The following ANK3 variants were observed in gnomAD, a reference collection of about 807,000 sequenced individuals.
The protein encoded by ANK3 is ankyrin 3.
In ANK3, 57 loss-of-function variants were observed where a neutral mutation model predicts 370.9. That is an observed-to-expected ratio of 0.15 (90% CI 0.12 to 0.19). The LOEUF is 0.19. ANK3 is among the 10% of genes least tolerant of loss of function. The pLI is 1.00. For synonymous variants in ANK3, 1,929 were observed against 1,946.3 expected (o/e 0.99, Z 0.23); for missense variants, 4,439 against 5,302.1 (o/e 0.84, Z 5.06).
At chr10:60,681,685 G>A (rs971120404) in intron 1 of ANK3, among the ~76,000 whole-genome samples, 3 of 152,174 alleles carry the variant, frequency 2.0e-5, no homozygotes, top group Non-Finnish European at 1.5e-5. Context: ...ATTCCACAAA[G>A]ACAGAGACAA....
rs74155648 is a variant in ANK3, at chr10:60,663,071, G to A, written c.58-47847C>T. Among the ~76,000 whole-genome samples, 10 of 152,140 alleles carry A rather than the reference G, an allele frequency of 6.6e-5. No homozygotes were observed. The East Asian group carries it at 7.8e-4, about 12-fold the overall frequency. ...CAAGTCTTTTCTCCTCCATGAACTC[G>A]CCTCACAAAATCAGTCCCCCAAAAT... On this transcript the variant is annotated intron_variant, in intron 1 of 43. Coordinates refer to the ANK3 transcript ENST00000373827.
At chr10:60,410,246 T>C (rs1333582850) in intron 2 of ANK3, among the ~76,000 whole-genome samples, 1 of 151,596 alleles carries the variant, frequency 6.6e-6, no homozygotes, top group Non-Finnish European at 1.5e-5. Context: ...CTGGGCAACA[T>C]AGTGGGACCC....
At chr10:60,718,110 G>A (rs993187923) in intron 1 of ANK3, among the ~76,000 whole-genome samples, 3 of 152,214 alleles carry the variant, frequency 2.0e-5, no homozygotes, top group Admixed American at 1.3e-4. Context: ...GTGATTATCT[G>A]AGACTTAGCT....
intron 2 of ANK3, among the ~76,000 whole-genome samples, chr10:60,602,161 C>A (rs2078073293): frequency 6.6e-6 from 1 of 152,080 alleles, no homozygotes. Flanking sequence ...TCACAAAAAT[C>A]CATAAAATCA....
At chr10:60,403,529 A>G (rs2063393556) in intron 2 of ANK3, among the ~76,000 whole-genome samples, 2 of 152,228 alleles carry the variant, frequency 1.3e-5, no homozygotes, top group South Asian at 4.1e-4. Flanking sequence ...TAATGGTGAA[A>G]TATTGAATGC....
At chr10:60,264,113 T>G in intron 5 of ANK3, 93 bp from the exon 6 acceptor site, 6 of 1,094,994 alleles carry the variant, frequency 5.5e-6, no homozygotes, top group Non-Finnish European at 7.7e-6. Flanking sequence ...TGACCAAGCA[T>G]CAATTTTTGT....
At chr10:60,090,854 G>GCAT (rs2088142983) in intron 28 of ANK3, among the ~76,000 whole-genome samples, 1 of 152,106 alleles carries the variant, frequency 6.6e-6, no homozygotes, top group South Asian at 2.1e-4. Context: ...GTGTAACTGG[G>GCAT]CATCATCTAT....
Position 60,060,315 on chromosome 10 carries a change from G to GGTC in ANK3, c.12596-886_12596-885insGAC, listed in dbSNP as rs2080141652. ...AAATATATAAAGTTTATATATTTAAGTTTATATAAAGACCAATATAAAGTT... is the reference window on the plus strand; with the variant it reads ...AAATATATAAAGTTTATATATTTAAGGTCTTTATATAAAGACCAATATAAAGTT... On this transcript the variant is annotated intron_variant, in intron 40 of 43. Coordinates refer to ENST00000280772, the MANE Select transcript of ANK3 (RefSeq NM_020987.5). 4 of 180,190 alleles carry GGTC rather than the reference G, an allele frequency of 2.2e-5. No individual in the cohort carries two copies. The South Asian group carries it at 7.1e-4, about 32-fold the overall frequency. The allele number at this position is 180,190 out of a possible 1,614,324, so 11.2% of individuals were successfully genotyped here.
chr10:60,448,656 C>T (rs893128317), intron 2 of ANK3, among the ~76,000 whole-genome samples: 2 of 152,208 alleles, frequency 1.3e-5, no homozygotes, highest in African/African-American at 4.8e-5. Flanking sequence ...GAGCGACTCC[C>T]CAGTCAACTC....
At chr10:60,694,442 T>C (rs2079410904) in intron 1 of ANK3, among the ~76,000 whole-genome samples, 1 of 151,924 alleles carries the variant, frequency 6.6e-6, no homozygotes, top group African/African-American at 2.4e-5. Context: ...AGACAAATAA[T>C]TGTCAGATTC....
intron 2 of ANK3, among the ~76,000 whole-genome samples, chr10:60,604,214 A>G (rs1416670995): frequency 6.6e-6 from 1 of 152,216 alleles, no homozygotes. Flanking sequence ...GAAAGAATGC[A>G]AAGCTACATG....
At chr10:60,190,574 G>A (rs921978403) in intron 16 of ANK3, among the ~76,000 whole-genome samples, 1 of 152,170 alleles carries the variant, frequency 6.6e-6, no homozygotes, top group African/African-American at 2.4e-5. Flanking sequence ...TGGTTTGGTG[G>A]AACTTCTGGG....
At chr10:60,142,041 GA>G (rs1565278434) in intron 23 of ANK3, among the ~76,000 whole-genome samples, 2 of 152,218 alleles carry the variant, frequency 1.3e-5, no homozygotes, top group Admixed American at 6.5e-5. Flanking sequence ...TCTGTATTTC[GA>G]ATCGAAACTA....
chr10:60,531,596 T>C (rs964331462), intron 2 of ANK3, among the ~76,000 whole-genome samples: 4 of 152,012 alleles, frequency 2.6e-5, no homozygotes, highest in Admixed American at 6.6e-5. Context: ...TTCATATAAC[T>C]TTAATATTCA....
intron 2 of ANK3, among the ~76,000 whole-genome samples, chr10:60,572,043 T>G (rs1335957573): frequency 6.6e-6 from 1 of 152,216 alleles, no homozygotes; most frequent in African/African-American, 2.4e-5. Context: ...TAGGTTTCTC[T>G]AAGTTTCCCT....
intron 1 of ANK3, among the ~76,000 whole-genome samples, chr10:60,321,544 C>T (rs2048673875): frequency 6.6e-6 from 1 of 152,176 alleles, no homozygotes; most frequent in Non-Finnish European, 1.5e-5. Context: ...TAACTCAGGG[C>T]TTACTCTCGC....
In ANK3 at chr10:60,703,926, C is replaced by T. The variant is rs74155702; in HGVS notation, c.57+29337G>A. Among the ~76,000 whole-genome samples the T allele has an allele frequency of 7.7e-3, 1,176 of 152,222 alleles. 14 individuals carry two copies. The highest frequency in any genetic ancestry group is 0.027 in the African/African-American group (1,118 of 41,532). On this transcript the variant is annotated intron_variant, in intron 1 of 43. Transcript: ENST00000373827. ...CTCCTTGAATTGGGGTTGACCTTAA[C>T]ACCGGCTTTTGATCTGATAGGATGT... is the stretch of plus-strand genomic sequence containing the variant.
intron 2 of ANK3, among the ~76,000 whole-genome samples, chr10:60,496,397 G>T (rs980661542): frequency 6.6e-6 from 1 of 152,112 alleles, no homozygotes. Context: ...TGAGCAATTA[G>T]GTTGCTTCCA....
chr10:60,585,198 A>G (rs1362487650), intron 2 of ANK3, among the ~76,000 whole-genome samples: 1 of 152,162 alleles, frequency 6.6e-6, no homozygotes, highest in Non-Finnish European at 1.5e-5. Context: ...TGCATGCTGG[A>G]GAGTTAGAGA....
Sources: allele counts gnomAD v4.1 joint callset (sites outside exome capture counted in the v4.1 genomes callset), GRCh38; gene constraint gnomAD v4.1.1; transcripts MANE v1.5; gene names NCBI Gene and HGNC (gene_info 2026-07-23, HGNC 2026-07-21).